Variants in SLC43A3 observed in about 807,000 individuals in gnomAD.
SLC43A3 encodes solute carrier family 43 member 3.
In SLC43A3, 33 loss-of-function variants were observed where a neutral mutation model predicts 53.3. The observed-to-expected ratio is 0.62, with a 90% confidence interval of 0.47 to 0.83. The LOEUF is 0.83. Among genes scored for constraint, SLC43A3 ranks in the 40% least tolerant of loss-of-function variants. The pLI, the probability that SLC43A3 is intolerant of heterozygous loss-of-function variation, is 0.00. For missense variants in SLC43A3, 530 were observed against 610.0 expected, an observed-to-expected ratio of 0.87 and a Z score of 1.38; for synonymous variants, 236 against 246.2, an observed-to-expected ratio of 0.96 and a Z score of 0.39.
In SLC43A3 at chr11:57,417,882, A is replaced by G. The variant is rs750381827; in HGVS notation, c.537T>C (p.Leu179=). 5.0e-6 allele frequency: 8 copies of G among 1,613,948 alleles called. No homozygotes were observed. The highest frequency in any genetic ancestry group is 5.9e-6 in the Non-Finnish European group (7 of 1,179,962). Residue 179 remains leucine (L), a synonymous_variant, in exon 8 of 14, where the codon CTT becomes CTC. Transcript: ENST00000395124. ...SSAVFLIIKL[L]YEKGISLRAS... ...CCCTGAGGCTGATGCCTTTTTCATA[A>G]AGAAGCTGCAGAAGGAGAAGGAAAA...
At chr11:57,424,716 G>A (rs1214470335) in intron 4 of SLC43A3, among the ~76,000 whole-genome samples, 4 of 152,162 alleles carry the variant, frequency 2.6e-5, no homozygotes, top group African/African-American at 9.7e-5. Flanking sequence ...AAGGACTGAG[G>A]TACAGTCATT....
rs771855748 is a variant in SLC43A3 at position 57,414,985 on chromosome 11, A to C, written c.891T>G (p.Ile297Met). The change falls in exon 10 of 14, where the codon ATT becomes ATG. Residue 297 changes from isoleucine (I) to methionine (M), a missense_variant. By Grantham distance (10) the Ile-to-Met change is conservative (BLOSUM62 1). This residue lies in a region of SLC43A3 where 376 missense variants were observed against 386.7 expected (regional missense o/e 0.97). Transcript: ENST00000395124. ...SVIQLWHYLF[I>M]GTLNSLLTNM... ...TGGTCAGCAAGGAGTTGAGAGTGCC[A>C]ATGAAGAGGTAGTGCCACAACTGTA... 1.2e-6 allele frequency: 2 copies of C among 1,613,848 alleles called. No individual in the cohort carries two copies. The highest frequency in any genetic ancestry group is 1.7e-6 in the Non-Finnish European group (2 of 1,180,024).
intron 7 of SLC43A3, among the ~76,000 whole-genome samples, chr11:57,420,463 A>G (rs1391663294): frequency 6.6e-6 from 1 of 152,196 alleles, no homozygotes; most frequent in East Asian, 1.9e-4. Flanking sequence ...TTCGCAATGA[A>G]TAAGACAGAA....
chr11:57,416,722 G>A (rs2135018651), intron 8 of SLC43A3, 52 bp from the exon 9 acceptor site: 2 of 1,396,814 alleles, frequency 1.4e-6, no homozygotes, highest in African/African-American at 1.4e-5. Flanking sequence ...AGCCGAACCT[G>A]AGACTCAGAC....
intron 9 of SLC43A3, chr11:57,415,513 G>A (rs770551945): frequency 1.4e-6 from 1 of 716,380 alleles, no homozygotes; most frequent in Non-Finnish European, 2.1e-6. Context: ...CCTTTCTTTT[G>A]ATACCAGTAT....
At chr11:57,425,826 G>A in intron 3 of SLC43A3, 156 bp from the exon 4 acceptor site, 3 of 1,383,682 alleles carry the variant, frequency 2.2e-6, no homozygotes, top group Non-Finnish European at 3.0e-6. Context: ...TCAGGAGCTG[G>A]TGCCTCCCTC....
At chr11:57,426,914 A>G (rs1285050055) in intron 1 of SLC43A3, 148 bp downstream of exon 1, 3 of 152,038 alleles carry the variant, frequency 2.0e-5, no homozygotes, top group African/African-American at 4.8e-5. Flanking sequence ...CCTCGCATCA[A>G]CTTCTACCAG....
At chr11:57,425,478 C>T in intron 4 of SLC43A3, 63 bp downstream of exon 4, 1 of 1,566,986 alleles carries the variant, frequency 6.4e-7, no homozygotes, top group Non-Finnish European at 8.7e-7. Flanking sequence ...TCACTCCAAG[C>T]TAGGCTGCTG....
At chr11:57,422,975 G>A (rs7106223) in intron 5 of SLC43A3, among the ~76,000 whole-genome samples, 25,080 of 152,236 alleles carry the variant, frequency 0.16, 2,203 homozygotes, top group Non-Finnish European at 0.19. Flanking sequence ...ACACACAAGA[G>A]TAATGTACTT....
intron 7 of SLC43A3, among the ~76,000 whole-genome samples, chr11:57,419,573 G>A (rs536923438): frequency 2.6e-5 from 4 of 152,196 alleles, no homozygotes; most frequent in East Asian, 3.9e-4. Flanking sequence ...CAAGGAAGGC[G>A]GATTACTTGA....
At position 57,416,617 on chromosome 11, in the gene SLC43A3, T is replaced by C; in HGVS notation, c.725A>G (p.Glu242Gly). ...CTCCTTTGACTGTAGCTCCCTGTTT[T>C]CATGCTCAGCTGTTTCCTTCTCTTC... ...TKEEKETAEH[E>G]NRELQSKEFL... Residue 242 changes from glutamate (E) to glycine (G), a missense_variant, in exon 9 of 14, where the codon GAA (glutamate) becomes GGA (glycine). Transcript: ENST00000395124. 1.2e-6 allele frequency: 2 copies of C among 1,614,200 alleles called. No homozygotes were observed. Among genetic ancestry groups the C allele is most frequent in the South Asian group, 2.2e-5 (2 of 91,078 alleles).
At chr11:57,425,730 C>T in intron 3 of SLC43A3, 60 bp from the exon 4 acceptor site, 2 of 1,602,864 alleles carry the variant, frequency 1.2e-6, no homozygotes, top group Non-Finnish European at 1.7e-6. Context: ...AGCACACAGG[C>T]TGGGCTCCCC....
intron 3 of SLC43A3, 97 bp from the exon 4 acceptor site, chr11:57,425,767 A>C: frequency 1.3e-6 from 2 of 1,558,464 alleles, no homozygotes; most frequent in Non-Finnish European, 1.7e-6. Flanking sequence ...TGTCGGTCGC[A>C]AACTTGTCCC....
intron 9 of SLC43A3, chr11:57,415,316 C>T (rs1418776389): frequency 7.2e-6 from 11 of 1,520,300 alleles, no homozygotes; most frequent in Non-Finnish European, 9.7e-6. Context: ...CTTGGATGAC[C>T]CTCTGTGTTC....
intron 9 of SLC43A3, among the ~76,000 whole-genome samples, chr11:57,415,592 G>A (rs1942682789): frequency 6.6e-6 from 1 of 152,074 alleles, no homozygotes; most frequent in South Asian, 2.1e-4. Context: ...TGAATTCAGT[G>A]TTCTGTTCCT....
At chr11:57,415,872 GA>G (rs1161102316) in intron 9 of SLC43A3, among the ~76,000 whole-genome samples, 3 of 152,246 alleles carry the variant, frequency 2.0e-5, no homozygotes, top group Non-Finnish European at 2.9e-5. Flanking sequence ...GAGGTCATAG[GA>G]TACATATAGC....
In SLC43A3 at chr11:57,416,622, C is replaced by T; in HGVS notation, c.720G>A (p.Glu240=). 1 of 1,614,168 alleles carries T rather than the reference C, an allele frequency of 6.2e-7. No individual in the cohort carries two copies. The highest frequency in any genetic ancestry group is 8.5e-7 in the Non-Finnish European group (1 of 1,180,020). The part of the protein sequence containing the change: ...GTTKEEKETA[E]HENRELQSKE... The stretch of plus-strand genomic sequence containing the variant: ...TTGACTGTAGCTCCCTGTTTTCATG[C>T]TCAGCTGTTTCCTTCTCTTCCTTTG... Residue 240 remains glutamate, a synonymous_variant, in exon 9 of 14, where the codon GAG becomes GAA. Coordinates refer to ENST00000395124, the MANE Select transcript of SLC43A3 (RefSeq NM_199329.3).
intron 5 of SLC43A3, 134 bp downstream of exon 5, chr11:57,423,848 G>T: frequency 2.8e-6 from 2 of 727,186 alleles, no homozygotes; most frequent in South Asian, 1.7e-5. Flanking sequence ...GATCCTTCCA[G>T]GATTCTTTCA....
chr11:57,418,356 G>T (rs896460450), intron 7 of SLC43A3, among the ~76,000 whole-genome samples: 1 of 151,870 alleles, frequency 6.6e-6, no homozygotes, highest in Non-Finnish European at 1.5e-5. Context: ...AAAAAGGAAA[G>T]GAAAGAAATT....
Sources: gnomAD v4.1 joint callset for allele counts (sites outside exome capture counted in the v4.1 genomes callset) on GRCh38, gnomAD v4.1.1 for gene constraint, gnomAD v4.1.1 regional missense constraint, MANE v1.5 for transcripts, NCBI Gene and HGNC (gene_info 2026-07-23, HGNC 2026-07-21) for gene names.